The following GALNTL6 variants were observed in gnomAD, a reference collection of about 807,000 sequenced individuals.
The protein encoded by GALNTL6 is polypeptide N-acetylgalactosaminyltransferase like 6, also known as polypeptide N-acetylgalactosaminyltransferase-like 6.
A neutral mutation model predicts 73.7 loss-of-function variants in GALNTL6; 46 were observed. The observed-to-expected ratio is 0.62, with a 90% CI of 0.49 to 0.80. GALNTL6 has a LOEUF of 0.80. Ranked by LOEUF, GALNTL6 falls within the 30% of genes least tolerant of loss-of-function variation. GALNTL6 has a pLI of 0.00. For missense variants in GALNTL6, 604 were observed against 755.0 expected (o/e 0.80, Z 2.34); for synonymous variants, 259 against 263.7 (o/e 0.98, Z 0.17).
chr4:172,557,016 G>C (rs922306272), intron 5 of GALNTL6, among the ~76,000 whole-genome samples: 2 of 152,092 alleles, frequency 1.3e-5, no homozygotes, highest in African/African-American at 4.8e-5. Context: ...TTCCCAAACT[G>C]TTCTCCACAG....
intron 3 of GALNTL6, among the ~76,000 whole-genome samples, chr4:172,262,421 G>C (rs1388728128): frequency 6.6e-6 from 1 of 151,260 alleles, no homozygotes; most frequent in East Asian, 1.9e-4. Flanking sequence ...AAGTCTGTCT[G>C]TCTCATATAA....
intron 8 of GALNTL6, among the ~76,000 whole-genome samples, chr4:172,896,379 A>G (rs909113731): frequency 6.6e-6 from 1 of 152,212 alleles, no homozygotes; most frequent in Non-Finnish European, 1.5e-5. Context: ...GCATTCTACA[A>G]GTCTTTAAAG....
At chr4:173,036,807 A>G (rs17321288) in intron 12 of GALNTL6, among the ~76,000 whole-genome samples, 5,594 of 152,306 alleles carry the variant, frequency 0.037, 139 homozygotes, top group Non-Finnish European at 0.057. Context: ...TTAGAACAGC[A>G]GACTTGCCGA....
At chr4:171,985,951 T>C (rs2111087299) in intron 2 of GALNTL6, among the ~76,000 whole-genome samples, 1 of 145,150 alleles carries the variant, frequency 6.9e-6, no homozygotes, top group South Asian at 2.2e-4. Context: ...GGCAGGAGAA[T>C]TGCTTGAATC....
rs544164335 is a variant in GALNTL6, at chr4:173,017,376, G to C, written c.1489-4100G>C. Among the ~76,000 whole-genome samples, 7 of 152,288 alleles carry C rather than the reference G, an allele frequency of 4.6e-5. No individual in the cohort carries two copies. In the South Asian group the frequency reaches 1.5e-3, roughly 32 times the overall value. ...CTGTCAATAAGAGCAGGCCAAGGGT[G>C]AAGACAAACTATAAATGTCACAATG... is the stretch of plus-strand genomic sequence containing the variant. On this transcript the variant is annotated intron_variant, in intron 11 of 12. Coordinates refer to ENST00000506823, the MANE Select transcript of GALNTL6 (RefSeq NM_001034845.3).
intron 5 of GALNTL6, among the ~76,000 whole-genome samples, chr4:172,410,173 T>A (rs994788388): frequency 6.6e-6 from 1 of 152,032 alleles, no homozygotes; most frequent in African/African-American, 2.4e-5. Flanking sequence ...TTATTTAATG[T>A]TAATGAACTT....
chr4:172,030,154 C>T (rs1464883136), intron 2 of GALNTL6, among the ~76,000 whole-genome samples: 1 of 152,018 alleles, frequency 6.6e-6, no homozygotes, highest in Non-Finnish European at 1.5e-5. Context: ...TACTAATTAC[C>T]ATTCCACCAC....
intron 5 of GALNTL6, among the ~76,000 whole-genome samples, chr4:172,805,895 TG>T: frequency 6.6e-6 from 1 of 152,188 alleles, no homozygotes; most frequent in African/African-American, 2.4e-5. Flanking sequence ...TAATGGCTGT[TG>T]GGGCTGGATG....
chr4:171,833,608 A>C (rs1475484297), intron 2 of GALNTL6, among the ~76,000 whole-genome samples: 1 of 151,698 alleles, frequency 6.6e-6, no homozygotes, highest in Non-Finnish European at 1.5e-5. Context: ...AACTATGGTA[A>C]AAAGAAATTT....
At chr4:171,827,352 G>A (rs1016624453) in intron 2 of GALNTL6, among the ~76,000 whole-genome samples, 2 of 152,064 alleles carry the variant, frequency 1.3e-5, no homozygotes, top group Non-Finnish European at 2.9e-5. Flanking sequence ...AGTTGCAACC[G>A]CATGCTCTGT....
chr4:172,855,579 C>G (rs1006303508), intron 7 of GALNTL6, among the ~76,000 whole-genome samples: 2 of 152,120 alleles, frequency 1.3e-5, no homozygotes, highest in African/African-American at 4.8e-5. Flanking sequence ...TCTGATTTCT[C>G]GGTTCTCCTG....
intron 5 of GALNTL6, among the ~76,000 whole-genome samples, chr4:172,453,773 G>A (rs778434843): frequency 1.3e-5 from 2 of 152,160 alleles, no homozygotes; most frequent in Non-Finnish European, 2.9e-5. Flanking sequence ...CAAAGATGCT[G>A]AATGCATTTA....
At chr4:172,373,034 T>A (rs1288053600) in intron 5 of GALNTL6, among the ~76,000 whole-genome samples, 3 of 152,130 alleles carry the variant, frequency 2.0e-5, no homozygotes, top group African/African-American at 7.2e-5. Context: ...AGTTCTAGAG[T>A]ACCCTGCTGG....
intron 2 of GALNTL6, among the ~76,000 whole-genome samples, chr4:172,182,222 A>G (rs899966547): frequency 5.9e-5 from 9 of 152,200 alleles, no homozygotes; most frequent in African/African-American, 2.2e-4. Context: ...AGACCTCTTC[A>G]TGGAGAACTA....
chr4:172,989,825 T>G (rs1327439172), intron 10 of GALNTL6, among the ~76,000 whole-genome samples: 2 of 152,232 alleles, frequency 1.3e-5, no homozygotes, highest in African/African-American at 2.4e-5. Flanking sequence ...TTTCAGGTAT[T>G]TCTTTATAGC....
intron 5 of GALNTL6, among the ~76,000 whole-genome samples, chr4:172,451,817 G>A (rs1732223177): frequency 1.3e-5 from 2 of 152,030 alleles, no homozygotes; most frequent in South Asian, 4.2e-4. Context: ...ACCAGCCTGG[G>A]AAACATGGAG....
intron 3 of GALNTL6, among the ~76,000 whole-genome samples, chr4:172,254,462 C>A (rs1026879331): frequency 2.3e-5 from 3 of 128,060 alleles, no homozygotes; most frequent in African/African-American, 1.0e-4. Context: ...TTCCTCTCAG[C>A]TTTTAGAAGT....
chr4:171,986,392 G>A (rs1220587820), intron 2 of GALNTL6, among the ~76,000 whole-genome samples: 2 of 152,136 alleles, frequency 1.3e-5, no homozygotes, highest in Admixed American at 1.3e-4. Flanking sequence ...GTTAAGGCAG[G>A]AACCCGCCAT....
chr4:172,113,768 C>G (rs1450400284), intron 2 of GALNTL6, among the ~76,000 whole-genome samples: 1 of 152,064 alleles, frequency 6.6e-6, no homozygotes, highest in Admixed American at 6.6e-5. Context: ...AGACAAGACC[C>G]TCTGGAGTCC....
Sources: gnomAD v4.1 joint callset for allele counts (sites outside exome capture counted in the v4.1 genomes callset) on GRCh38, gnomAD v4.1.1 for gene constraint, MANE v1.5 for transcripts, NCBI Gene and HGNC (gene_info 2026-07-23, HGNC 2026-07-21) for gene names.